The following BARX2 variants were observed in gnomAD, a reference collection of about 807,000 sequenced individuals.
The protein encoded by BARX2 is BARX homeobox 2.
A neutral mutation model predicts 25.5 loss-of-function variants in BARX2; 11 were observed. The observed-to-expected ratio is 0.43, with a 90% CI of 0.27 to 0.71. BARX2 has a LOEUF of 0.71. Ranked by LOEUF, BARX2 falls within the 30% of genes least tolerant of loss-of-function variation. The pLI is 0.19. For synonymous variants in BARX2, 137 were observed against 149.5 expected, an observed-to-expected ratio of 0.92 and a Z score of 0.61; for missense variants, 360 against 359.9, an observed-to-expected ratio of 1.00 and a Z score of 0.00.
chr11:129,440,114 C>T, intron 2 of BARX2, among the ~76,000 whole-genome samples: 1 of 152,178 alleles, frequency 6.6e-6, no homozygotes, highest in Middle Eastern at 3.2e-3. Context: ...GCACTCCCTC[C>T]TCCCACAGCT....
chr11:129,386,195 AAG>A (rs1474607656), intron 1 of BARX2, among the ~76,000 whole-genome samples: 1 of 152,232 alleles, frequency 6.6e-6, no homozygotes, highest in Non-Finnish European at 1.5e-5. Flanking sequence ...CCAGTCGTGC[AAG>A]AGAGAGTTGT....
intron 1 of BARX2, among the ~76,000 whole-genome samples, chr11:129,402,783 T>C (rs1424381410): frequency 6.6e-6 from 1 of 152,230 alleles, no homozygotes; most frequent in Non-Finnish European, 1.5e-5. Flanking sequence ...CAACAACTGC[T>C]ACTTGAATGC....
chr11:129,447,676 AT>A (rs891951779), intron 3 of BARX2, among the ~76,000 whole-genome samples: 11 of 151,222 alleles, frequency 7.3e-5, no homozygotes, highest in South Asian at 2.1e-4. Flanking sequence ...TGTTTTGGGG[AT>A]TTTTTTTTCA....
chr11:129,401,790 T>C (rs1202249341), intron 1 of BARX2, among the ~76,000 whole-genome samples: 1 of 152,086 alleles, frequency 6.6e-6, no homozygotes, highest in Non-Finnish European at 1.5e-5. Context: ...ACCCCGTCTC[T>C]GCGAAAAATA....
chr11:129,437,497 G>A (rs1862205134), intron 2 of BARX2: 3 of 988,468 alleles, frequency 3.0e-6, no homozygotes, highest in Admixed American at 6.1e-5. Context: ...TGCTGGCCTG[G>A]CTATTGCTTG....
At chr11:129,389,631 C>T (rs1185419717) in intron 1 of BARX2, among the ~76,000 whole-genome samples, 1 of 150,856 alleles carries the variant, frequency 6.6e-6, no homozygotes, top group Non-Finnish European at 1.5e-5. Flanking sequence ...CTGTAAGAGT[C>T]TCAAGAACTG....
intron 1 of BARX2, among the ~76,000 whole-genome samples, chr11:129,379,402 T>C (rs74678649): frequency 8.2e-4 from 125 of 152,324 alleles, no homozygotes; most frequent in African/African-American, 2.9e-3. Flanking sequence ...TGTAATGCCA[T>C]TTAGAAATCA....
intron 1 of BARX2, among the ~76,000 whole-genome samples, chr11:129,406,918 T>G (rs1306686453): frequency 6.6e-6 from 1 of 152,204 alleles, no homozygotes; most frequent in Non-Finnish European, 1.5e-5. Flanking sequence ...GACTTTCTTC[T>G]GTTTTCAAGT....
chr11:129,424,882 A>C (rs942508004), intron 1 of BARX2, among the ~76,000 whole-genome samples: 8 of 152,210 alleles, frequency 5.3e-5, no homozygotes, highest in African/African-American at 1.9e-4. Flanking sequence ...AGCACAACAA[A>C]GCAGTGTTGT....
intron 1 of BARX2, among the ~76,000 whole-genome samples, chr11:129,395,627 A>C (rs1861711866): frequency 1.3e-5 from 2 of 152,150 alleles, no homozygotes; most frequent in Non-Finnish European, 2.9e-5. Context: ...ATCCTGAAAT[A>C]GCCATGGTTC....
intron 1 of BARX2, among the ~76,000 whole-genome samples, chr11:129,433,032 C>T (rs1862146775): frequency 6.6e-6 from 1 of 152,182 alleles, no homozygotes; most frequent in Non-Finnish European, 1.5e-5. Flanking sequence ...GCCACATAGA[C>T]TCCCAGGAAT....
At chr11:129,378,843 TAA>T (rs36045160) in intron 1 of BARX2, among the ~76,000 whole-genome samples, 115 of 140,378 alleles carry the variant, frequency 8.2e-4, no homozygotes, top group African/African-American at 2.5e-3. Context: ...ACTACAGCAT[TAA>T]AAAAAAAAAA....
chr11:129,391,788 G>A (rs1203974903), intron 1 of BARX2, among the ~76,000 whole-genome samples: 1 of 152,192 alleles, frequency 6.6e-6, no homozygotes, highest in Non-Finnish European at 1.5e-5. Context: ...ATTCAACAAA[G>A]TATTTTTGGG....
chr11:129,439,038 C>T (rs765773765), intron 2 of BARX2, among the ~76,000 whole-genome samples: 5 of 152,098 alleles, frequency 3.3e-5, no homozygotes, highest in African/African-American at 1.2e-4. Context: ...TGGTGGACCT[C>T]GTATGCCTGG....
chr11:129,412,439 GGGCAAGGCAGT>G (rs1861899792), intron 1 of BARX2, among the ~76,000 whole-genome samples: 1 of 152,196 alleles, frequency 6.6e-6, no homozygotes, highest in Non-Finnish European at 1.5e-5. Flanking sequence ...AAGAATTCAA[GGGCAAGGCAGT>G]GGTATTAAAC....
At chr11:129,422,834 A>G (rs1862020619) in intron 1 of BARX2, among the ~76,000 whole-genome samples, 1 of 151,382 alleles carries the variant, frequency 6.6e-6, no homozygotes, top group African/African-American at 2.4e-5. Context: ...CTCCCAAGTC[A>G]TAGGCATTAC....
At chr11:129,413,939 G>A (rs1326556975) in intron 1 of BARX2, among the ~76,000 whole-genome samples, 3 of 152,018 alleles carry the variant, frequency 2.0e-5, no homozygotes, top group South Asian at 2.1e-4. Flanking sequence ...GGTGGCGGGC[G>A]CCTGTATTCC....
intron 3 of BARX2, among the ~76,000 whole-genome samples, chr11:129,449,453 C>G (rs1341857951): frequency 6.6e-6 from 1 of 152,114 alleles, no homozygotes; most frequent in African/African-American, 2.4e-5. Context: ...AAAATATCTC[C>G]CACCCCTAAT....
intron 1 of BARX2, among the ~76,000 whole-genome samples, chr11:129,381,044 G>A (rs373235630): frequency 1.8e-3 from 271 of 152,206 alleles, no homozygotes; most frequent in Middle Eastern, 6.8e-3. Flanking sequence ...CAAAGTGCTG[G>A]GATTATAGGC....
Sources: allele counts gnomAD v4.1 joint callset (sites outside exome capture counted in the v4.1 genomes callset), GRCh38; gene constraint gnomAD v4.1.1; transcripts MANE v1.5; gene names NCBI Gene and HGNC (gene_info 2026-07-23, HGNC 2026-07-21).